The following HSD11B1 variants were observed in gnomAD, a reference collection of about 807,000 sequenced individuals.
HSD11B1 encodes the protein hydroxysteroid 11-beta dehydrogenase 1.
In HSD11B1, 15 loss-of-function variants were observed where a neutral mutation model predicts 22.1. The ratio of observed to expected loss-of-function variants is 0.68; its 90% CI spans 0.45 to 1.04. The LOEUF is 1.04. Among genes scored for constraint, HSD11B1 ranks in the 50% least tolerant of loss-of-function variants. HSD11B1 has a pLI of 0.00. For synonymous variants in HSD11B1, 122 were observed against 125.2 expected, an observed-to-expected ratio of 0.97 and a Z score of 0.17; for missense variants, 281 against 357.6, an observed-to-expected ratio of 0.79 and a Z score of 1.73.
rs984258844 is a variant in HSD11B1, at chr1:209,719,411, G to T, written c.517+12283G>T. ...TATACAAAGTTGAAAGTAGAAGGGT[G>T]GTTGCCAGGGGCTGGGAAAGGAGAG... On this transcript the variant is annotated intron_variant, in intron 4 of 5. Transcript: ENST00000367027. Among the ~76,000 whole-genome samples the T allele has an allele frequency of 6.6e-5, 10 of 152,322 alleles. No individual in the cohort carries two copies. In the South Asian group the frequency reaches 1.9e-3, roughly 28 times the overall value.
chr1:209,700,468 G>A (rs1288456606), upstream of HSD11B1, among the ~76,000 whole-genome samples: 3 of 152,172 alleles, frequency 2.0e-5, no homozygotes, highest in South Asian at 2.1e-4. Context: ...CCTAGCCTGC[G>A]CATAGCACAG....
intron 4 of HSD11B1, among the ~76,000 whole-genome samples, chr1:209,708,827 C>T (rs930177106): frequency 6.6e-6 from 1 of 152,198 alleles, no homozygotes; most frequent in Non-Finnish European, 1.5e-5. Context: ...TCTGTTTCCC[C>T]ATATCTCCTA....
intron 1 of HSD11B1, among the ~76,000 whole-genome samples, chr1:209,693,147 G>T (rs780133071): frequency 5.3e-5 from 8 of 152,190 alleles, no homozygotes; most frequent in African/African-American, 1.9e-4. Flanking sequence ...AGAAATTCTC[G>T]TTCAGTTCCC....
intron 4 of HSD11B1, among the ~76,000 whole-genome samples, chr1:209,719,879 T>C (rs2076955016): frequency 6.6e-6 from 1 of 152,238 alleles, no homozygotes; most frequent in African/African-American, 2.4e-5. Flanking sequence ...CATGTGTCTT[T>C]ATAGCATGAT....
At position 209,705,011 on chromosome 1, in the gene HSD11B1, A is replaced by T; in HGVS notation, c.69A>T (p.Ala23=). 1 of 1,613,776 alleles carries T rather than the reference A, an allele frequency of 6.2e-7. No homozygotes were observed. The highest frequency in any genetic ancestry group is 8.5e-7 in the Non-Finnish European group (1 of 1,179,684). ...GLFMAYYYYS[A]NEEFRPEMLQ... is the part of the protein sequence containing the mutation. ...TCATGGCCTACTACTACTATTCTGC[A>T]AACGAGGAATTCAGACCAGGTAAGT... The change falls in exon 1 of 6, where the codon GCA becomes GCT. Residue 23 remains alanine (A), a synonymous_variant. Coordinates refer to ENST00000367027, the MANE Select transcript of HSD11B1 (RefSeq NM_005525.4).
intron 1 of HSD11B1, among the ~76,000 whole-genome samples, chr1:209,697,884 C>CTTTTTTTTTTTTATTTTTTTTTTT (rs2076800748): frequency 2.4e-5 from 1 of 41,586 alleles, no homozygotes; most frequent in Non-Finnish European, 4.5e-5. Flanking sequence ...TTGTTTTTTC[C>CTTTTTTTTTTTTATTTTTTTTTTT]TTTTTTTTTT....
Position 209,706,753 on chromosome 1 carries a change from C to G in HSD11B1, c.264C>G (p.Tyr88Ter). The stretch of plus-strand genomic sequence containing the variant: ...AGCTTGGAGCAGCCTCAGCACACTA[C>G]ATTGCTGGCACCATGGAAGACATGA... The part of the protein sequence containing the change: ...CLELGAASAH[Y>*]IAGTMEDMTF... The change falls in exon 3 of 6, where the codon TAC becomes TAG. Residue 88 changes from tyrosine to a stop codon, truncating the protein, a stop_gained. Transcript: ENST00000367027. LOFTEE classifies it high-confidence loss of function. The surrounding 1 kb of genome is among the most constrained non-coding windows in gnomAD (Gnocchi z 4.0). 1 of 1,614,104 alleles carries G rather than the reference C, an allele frequency of 6.2e-7. No homozygotes were observed. The highest frequency in any genetic ancestry group is 8.5e-7 in the Non-Finnish European group (1 of 1,179,978).
chr1:209,697,027 G>A (rs1231253762), intron 1 of HSD11B1, among the ~76,000 whole-genome samples: 1 of 152,226 alleles, frequency 6.6e-6, no homozygotes, highest in East Asian at 1.9e-4. Context: ...CTGGGATGGG[G>A]ATGAAGAAGC....
chr1:209,703,429 A>C (rs886288302), upstream of HSD11B1, among the ~76,000 whole-genome samples: 1 of 152,184 alleles, frequency 6.6e-6, no homozygotes, highest in Non-Finnish European at 1.5e-5. Flanking sequence ...GCAGTTCTAA[A>C]GGCATGTAAT....
In HSD11B1 at chr1:209,704,861, C is replaced by T; in HGVS notation, c.-82C>T. ...CCCTGATGTCACAATTCAGAGGCTG[C>T]TGCCTGCTTAGGAGGTTGTAGAAAG... On this transcript the variant is annotated 5_prime_UTR_variant, in exon 1 of 6. Coordinates refer to ENST00000367027, the MANE Select transcript of HSD11B1 (RefSeq NM_005525.4). 1.9e-6 allele frequency: 2 copies of T among 1,043,156 alleles called. No homozygotes were observed. Among genetic ancestry groups the T allele is most frequent in the South Asian group, 2.5e-5 (2 of 78,834 alleles). The allele number at this position is 1,043,156 out of a possible 1,614,324, so 64.6% of individuals were successfully genotyped here.
chr1:209,688,850 A>C (rs2102350015), intron 1 of HSD11B1, among the ~76,000 whole-genome samples: 1 of 152,346 alleles, frequency 6.6e-6, no homozygotes, highest in South Asian at 2.1e-4. Context: ...CAACAGAGAT[A>C]ACAACAGTTA....
At chr1:209,724,725 G>C (rs1015776403) in intron 4 of HSD11B1, among the ~76,000 whole-genome samples, 9 of 152,264 alleles carry the variant, frequency 5.9e-5, no homozygotes, top group African/African-American at 2.2e-4. Context: ...CAGAACATAG[G>C]GGTTTCCTCA....
Position 209,734,388 on chromosome 1 carries a change from G to A in HSD11B1, c.746G>A (p.Gly249Glu). ...EECALEIIKG[G>E]ALRQEEVYYD... Reference sequence around the variant, plus strand: ...TGTGCCCTGGAGATCATCAAAGGGGGAGCTCTGCGCCAAGAAGAAGTGTAT... The same window carrying A: ...TGTGCCCTGGAGATCATCAAAGGGGAAGCTCTGCGCCAAGAAGAAGTGTAT... The change falls in exon 6 of 6, where the codon GGA (glycine) becomes GAA (glutamate). Residue 249 changes from glycine to glutamate, a missense_variant. Coordinates refer to ENST00000367027, the MANE Select transcript of HSD11B1 (RefSeq NM_005525.4). 1 of 1,614,136 alleles carries A rather than the reference G, an allele frequency of 6.2e-7. No homozygotes were observed.
chr1:209,721,028 T>C (rs1202079624), intron 4 of HSD11B1, among the ~76,000 whole-genome samples: 1 of 152,080 alleles, frequency 6.6e-6, no homozygotes, highest in Admixed American at 6.5e-5. Context: ...GAAAAAGCCA[T>C]GTAAAGATGG....
At chr1:209,712,851 C>A (rs1467684271) in intron 4 of HSD11B1, among the ~76,000 whole-genome samples, 4 of 152,144 alleles carry the variant, frequency 2.6e-5, no homozygotes, top group Non-Finnish European at 5.9e-5. Context: ...GCATTTGAGA[C>A]CAGCCTGGCC....
intron 4 of HSD11B1, among the ~76,000 whole-genome samples, chr1:209,725,783 G>A (rs1317729439): frequency 6.6e-6 from 1 of 152,214 alleles, no homozygotes; most frequent in Non-Finnish European, 1.5e-5. Context: ...CAGACTAGAA[G>A]AATGGGGGGC....
Position 209,715,400 on chromosome 1 carries a change from A to G in HSD11B1, c.517+8272A>G, listed in dbSNP as rs534866253. Among the ~76,000 whole-genome samples, 6 of 152,112 alleles carry G rather than the reference A, an allele frequency of 3.9e-5. No individual in the cohort carries two copies. In the East Asian group the frequency reaches 1.2e-3, roughly 29 times the overall value. On this transcript the variant is annotated intron_variant, in intron 4 of 5. Coordinates refer to ENST00000367027, the MANE Select transcript of HSD11B1 (RefSeq NM_005525.4). ...GGTGCCCAGATCTTGTTTTCTAAATATCATTCTCCACTAAAAAAAAAAACA... is the reference window on the plus strand; with the variant it reads ...GGTGCCCAGATCTTGTTTTCTAAATGTCATTCTCCACTAAAAAAAAAAACA...
At chr1:209,718,609 T>C (rs1192729281) in intron 4 of HSD11B1, among the ~76,000 whole-genome samples, 1 of 152,182 alleles carries the variant, frequency 6.6e-6, no homozygotes, top group Non-Finnish European at 1.5e-5. Flanking sequence ...GAAATTGGAA[T>C]GCTGTGTACT....
intron 1 of HSD11B1, among the ~76,000 whole-genome samples, chr1:209,699,221 A>G (rs2076811451): frequency 6.6e-6 from 1 of 151,420 alleles, no homozygotes; most frequent in Admixed American, 6.6e-5. Context: ...AACTGGGGTG[A>G]GAATGGGGGT....
Sources: gnomAD v4.1 joint callset for allele counts (sites outside exome capture counted in the v4.1 genomes callset) on GRCh38, gnomAD v4.1.1 for gene constraint, Gnocchi (gnomAD v3.1) non-coding constraint, MANE v1.5 for transcripts, NCBI Gene and HGNC (gene_info 2026-07-23, HGNC 2026-07-21) for gene names.